CSMD1: variants seen among roughly 807,000 people sequenced by gnomAD.
The protein encoded by CSMD1 is CUB and sushi domain-containing protein 1.
In CSMD1, 213 loss-of-function variants were observed where a neutral mutation model predicts 417.5. That is an observed-to-expected ratio of 0.51 (90% CI 0.46 to 0.57). The LOEUF is 0.57. CSMD1 is among the 20% of genes least tolerant of loss of function. The pLI is 0.00. For synonymous variants in CSMD1, 2,862 were observed against 1,736.8 expected (o/e 1.65, Z -16.11); for missense variants, 6,923 against 4,529.7 (o/e 1.53, Z -15.17).
intron 18 of CSMD1, among the ~76,000 whole-genome samples, chr8:3,370,799 A>C (rs1352904345): frequency 2.6e-5 from 4 of 152,102 alleles, no homozygotes; most frequent in Non-Finnish European, 5.9e-5. Context: ...GCATGGCAAA[A>C]CCCCATGTTT....
At chr8:4,910,238 TA>T (rs1484408185) in intron 1 of CSMD1, among the ~76,000 whole-genome samples, 3 of 152,216 alleles carry the variant, frequency 2.0e-5, no homozygotes, top group African/African-American at 7.2e-5. Context: ...GAAATGTGAC[TA>T]TTTACACTTC....
chr8:3,583,896 G>A (rs1013557790), intron 9 of CSMD1, among the ~76,000 whole-genome samples: 1 of 151,616 alleles, frequency 6.6e-6, no homozygotes, highest in Non-Finnish European at 1.5e-5. Flanking sequence ...CAACTAGATA[G>A]ATAAGGAGCA....
chr8:4,210,258 CTTTG>C (rs1585028699), intron 3 of CSMD1, among the ~76,000 whole-genome samples: 3 of 152,218 alleles, frequency 2.0e-5, no homozygotes, highest in East Asian at 1.9e-4. Context: ...GAGGACTGCT[CTTTG>C]TTTGTTTCTT....
chr8:3,601,215 C>T (rs750670520), intron 8 of CSMD1, among the ~76,000 whole-genome samples: 1 of 152,134 alleles, frequency 6.6e-6, no homozygotes, highest in Non-Finnish European at 1.5e-5. Context: ...TCATTGGCCT[C>T]ACATCTTTAT....
At chr8:2,985,375 TGTGGTGTG>T in intron 54 of CSMD1, among the ~76,000 whole-genome samples, 1 of 118,828 alleles carries the variant, frequency 8.4e-6, no homozygotes. Context: ...GGCAGGAGAC[TGTGGTGTG>T]ATACTGCTAC....
chr8:4,220,206 C>G (rs1585045585), intron 3 of CSMD1, among the ~76,000 whole-genome samples: 1 of 152,352 alleles, frequency 6.6e-6, no homozygotes, highest in South Asian at 2.1e-4. Flanking sequence ...TCGCCTTCGC[C>G]TCTCAGAGTG....
intron 12 of CSMD1, among the ~76,000 whole-genome samples, chr8:3,447,574 A>T (rs1335886895): frequency 1.3e-5 from 2 of 152,200 alleles, no homozygotes; most frequent in Non-Finnish European, 2.9e-5. Context: ...GGGCGACAGG[A>T]AGGGTCAGAG....
chr8:4,357,237 G>A (rs1032794956), intron 3 of CSMD1, among the ~76,000 whole-genome samples: 1 of 152,106 alleles, frequency 6.6e-6, no homozygotes, highest in Non-Finnish European at 1.5e-5. Context: ...CCTCTTACGT[G>A]CTAGAATTAG....
At chr8:4,306,881 G>C (rs939155578) in intron 3 of CSMD1, among the ~76,000 whole-genome samples, 2 of 151,964 alleles carry the variant, frequency 1.3e-5, no homozygotes, top group East Asian at 1.9e-4. Context: ...AAAATCTGCA[G>C]TTATGCTTTC....
At chr8:4,451,689 A>G (rs1467600902) in intron 2 of CSMD1, among the ~76,000 whole-genome samples, 1 of 152,152 alleles carries the variant, frequency 6.6e-6, no homozygotes, top group Non-Finnish European at 1.5e-5. Context: ...ACCATGAAAT[A>G]TCAGTTCTTC....
intron 2 of CSMD1, among the ~76,000 whole-genome samples, chr8:4,568,695 C>G (rs1337696860): frequency 6.6e-6 from 1 of 152,158 alleles, no homozygotes; most frequent in Non-Finnish European, 1.5e-5. Context: ...GGAATTGCCA[C>G]ACTGTCTTCC....
At chr8:4,004,712 T>C (rs962753798) in intron 4 of CSMD1, among the ~76,000 whole-genome samples, 1 of 152,078 alleles carries the variant, frequency 6.6e-6, no homozygotes, top group Non-Finnish European at 1.5e-5. Context: ...TTGACCTGGA[T>C]GAGATTGGTG....
rs565375997 is a variant in CSMD1 at position 4,934,399 on chromosome 8, T to C, written c.85+59933A>G. ...TGTTTTATGAAGCCATCAAGAATAA[T>C]AATTCAGGAAGGCATTCTATCATTT... On this transcript the variant is annotated intron_variant, in intron 1 of 69. Coordinates refer to ENST00000635120, the MANE Select transcript of CSMD1 (RefSeq NM_033225.6). Among the ~76,000 whole-genome samples the C allele has an allele frequency of 5.9e-5, 9 of 152,318 alleles. No individual in the cohort carries two copies. The East Asian group carries it at 1.7e-3, about 29-fold the overall frequency.
intron 37 of CSMD1, among the ~76,000 whole-genome samples, chr8:3,175,503 G>GCCTT (rs1234836251): frequency 5.7e-4 from 54 of 94,646 alleles, no homozygotes; most frequent in African/African-American, 1.9e-3. Context: ...CTGCCTGCCT[G>GCCTT]CCTGCCTTTT....
chr8:4,229,972 C>G (rs1258513039), intron 3 of CSMD1, among the ~76,000 whole-genome samples: 1 of 152,072 alleles, frequency 6.6e-6, no homozygotes, highest in African/African-American at 2.4e-5. Context: ...GTCCTAAAGC[C>G]GACATTATAA....
At chr8:4,542,660 C>A (rs1241842432) in intron 2 of CSMD1, among the ~76,000 whole-genome samples, 2 of 152,116 alleles carry the variant, frequency 1.3e-5, no homozygotes, top group African/African-American at 4.8e-5. Context: ...CAGACTATAT[C>A]ACCACTGTAT....
intron 3 of CSMD1, among the ~76,000 whole-genome samples, chr8:4,165,343 C>T (rs3849828): frequency 1.9e-3 from 295 of 152,332 alleles, no homozygotes; most frequent in African/African-American, 6.9e-3. Flanking sequence ...CACGTGGTGT[C>T]CCACAAATTC....
intron 12 of CSMD1, among the ~76,000 whole-genome samples, chr8:3,432,008 G>C (rs906661451): frequency 2.0e-5 from 3 of 152,140 alleles, no homozygotes; most frequent in African/African-American, 7.2e-5. Flanking sequence ...AGAGATCACT[G>C]TGTGAATTCC....
At chr8:3,099,711 A>G (rs1471753732) in intron 46 of CSMD1, among the ~76,000 whole-genome samples, 1 of 152,224 alleles carries the variant, frequency 6.6e-6, no homozygotes, top group African/African-American at 2.4e-5. Flanking sequence ...ACAGCAGTGC[A>G]ATGATCTAAC....
Sources: gnomAD v4.1 joint callset for allele counts (sites outside exome capture counted in the v4.1 genomes callset) on GRCh38, gnomAD v4.1.1 for gene constraint, MANE v1.5 for transcripts, NCBI Gene and HGNC (gene_info 2026-07-23, HGNC 2026-07-21) for gene names.